HORMAD2: variants seen among roughly 807,000 people sequenced by gnomAD.
The protein encoded by HORMAD2 is HORMA domain containing 2, also known as HORMA domain-containing protein 2.
HORMAD2 carries 45 observed loss-of-function variants against 38.8 expected under a neutral mutation model. That is an observed-to-expected ratio of 1.16 (90% CI 0.91 to 1.49). The LOEUF (loss-of-function observed/expected upper bound fraction) is 1.49. Among genes scored for constraint, HORMAD2 ranks in the 40% most tolerant of loss-of-function variants. HORMAD2 has a pLI of 0.00. For synonymous variants in HORMAD2, 126 were observed against 122.8 expected (o/e 1.03, Z -0.17); for missense variants, 338 against 367.0 (o/e 0.92, Z 0.65).
chr22:30,191,819 C>T, the HORMAD2 span, among the ~76,000 whole-genome samples: 9 of 152,206 alleles, frequency 5.9e-5, no homozygotes, highest in Middle Eastern at 3.4e-3. Context: ...CCTTTGCTGC[C>T]GGAACATTCA....
chr22:30,142,719 T>C (rs1448772872), intron 10 of HORMAD2, among the ~76,000 whole-genome samples: 1 of 152,200 alleles, frequency 6.6e-6, no homozygotes, highest in East Asian at 1.9e-4. Context: ...ATTTTACTTT[T>C]TATTTCTATG....
chr22:30,180,920 CCCTCTCCTCTCCTCT>C (rs760542921), downstream of HORMAD2, among the ~76,000 whole-genome samples: 2,855 of 32,098 alleles, frequency 0.089, 264 homozygotes, highest in Non-Finnish European at 0.12. Context: ...CCTTTCCCTT[CCCTCTCCTCTCCTCT>C]CCTCTCCTCT....
At chr22:30,111,723 T>C (rs1921670944) in intron 5 of HORMAD2, 73 bp from the exon 6 acceptor site, 1 of 1,171,088 alleles carries the variant, frequency 8.5e-7, no homozygotes, top group Non-Finnish European at 1.2e-6. Context: ...ATATTTTAAT[T>C]AGTCTATTGA....
chr22:30,151,178 G>C (rs1201139361), intron 10 of HORMAD2, among the ~76,000 whole-genome samples: 2 of 152,078 alleles, frequency 1.3e-5, no homozygotes, highest in African/African-American at 4.8e-5. Flanking sequence ...CTGCTTCCTG[G>C]CTTCCAAAAT....
the HORMAD2 span, among the ~76,000 whole-genome samples, chr22:30,190,210 C>T: frequency 1.3e-5 from 2 of 152,166 alleles, no homozygotes; most frequent in Non-Finnish European, 2.9e-5. Flanking sequence ...AATTCCTTCT[C>T]GCCCCTCAAC....
rs570141418 is a variant in HORMAD2 at position 30,086,837 on chromosome 22, C to T, written c.-38+6346C>T. On this transcript the variant is annotated intron_variant, in intron 1 of 10. Coordinates refer to ENST00000336726, the MANE Select transcript of HORMAD2 (RefSeq NM_152510.4). Reference sequence around the variant, plus strand: ...GGGACAGGGTTTCACTCTTGTTGCCCAGGCTGGAATGCAATGGCGTGATCT... The same window carrying T: ...GGGACAGGGTTTCACTCTTGTTGCCTAGGCTGGAATGCAATGGCGTGATCT... Among the ~76,000 whole-genome samples, 6 of 152,218 alleles carry T rather than the reference C, an allele frequency of 3.9e-5. No individual in the cohort carries two copies. The South Asian group carries it at 1.2e-3, about 32-fold the overall frequency.
intron 7 of HORMAD2, among the ~76,000 whole-genome samples, chr22:30,113,803 G>T (rs980217331): frequency 4.0e-5 from 6 of 151,718 alleles, no homozygotes; most frequent in African/African-American, 1.5e-4. Flanking sequence ...TTCTTTCTTT[G>T]CAAGATGACA....
At chr22:30,147,458 CA>C (rs1194586331) in intron 10 of HORMAD2, among the ~76,000 whole-genome samples, 1 of 151,316 alleles carries the variant, frequency 6.6e-6, no homozygotes, top group Non-Finnish European at 1.5e-5. Context: ...ACATTGTACA[CA>C]AGATTGACTA....
At chr22:30,125,078 T>C (rs1922739756) in intron 10 of HORMAD2, among the ~76,000 whole-genome samples, 2 of 152,256 alleles carry the variant, frequency 1.3e-5, no homozygotes, top group African/African-American at 2.4e-5. Context: ...ATGTCTTTCA[T>C]GCATTTGTCT....
the HORMAD2 span, among the ~76,000 whole-genome samples, chr22:30,197,541 G>A: frequency 6.6e-6 from 1 of 152,100 alleles, no homozygotes; most frequent in Non-Finnish European, 1.5e-5. Context: ...AAAGGCACAA[G>A]TATAACCCTC....
chr22:30,201,542 C>G, the HORMAD2 span, among the ~76,000 whole-genome samples: 1 of 151,876 alleles, frequency 6.6e-6, no homozygotes, highest in South Asian at 2.1e-4. Context: ...CTCAGCCTCC[C>G]GAGTAGCTGG....
intron 10 of HORMAD2, among the ~76,000 whole-genome samples, chr22:30,159,525 C>T (rs1925314622): frequency 6.6e-6 from 1 of 152,130 alleles, no homozygotes; most frequent in Non-Finnish European, 1.5e-5. Flanking sequence ...AAGGGATACC[C>T]TGTATTTCAG....
upstream of HORMAD2, among the ~76,000 whole-genome samples, chr22:30,079,562 A>G (rs1035954902): frequency 1.3e-5 from 2 of 151,746 alleles, no homozygotes; most frequent in African/African-American, 4.8e-5. Context: ...CTGGAGTGCA[A>G]TGGTACGATC....
intron 10 of HORMAD2, among the ~76,000 whole-genome samples, chr22:30,126,606 T>C (rs1922885551): frequency 6.6e-6 from 1 of 152,242 alleles, no homozygotes; most frequent in Non-Finnish European, 1.5e-5. Flanking sequence ...TTGGATAATT[T>C]ATAATTTTTG....
At chr22:30,168,806 C>G (rs1015603300) in intron 10 of HORMAD2, among the ~76,000 whole-genome samples, 1 of 152,116 alleles carries the variant, frequency 6.6e-6, no homozygotes, top group Non-Finnish European at 1.5e-5. Flanking sequence ...GAAGTAGCCT[C>G]ATTGCTTCTC....
chr22:30,160,925 C>A (rs1186568796), intron 10 of HORMAD2, among the ~76,000 whole-genome samples: 1 of 152,128 alleles, frequency 6.6e-6, no homozygotes, highest in Non-Finnish European at 1.5e-5. Flanking sequence ...TAGGTGCATG[C>A]TCCTTATATA....
intron 10 of HORMAD2, among the ~76,000 whole-genome samples, chr22:30,134,402 C>G (rs1277256297): frequency 6.9e-6 from 1 of 144,420 alleles, no homozygotes. Flanking sequence ...TATATATAAT[C>G]ATAAATATAT....
chr22:30,202,040 T>G, the HORMAD2 span, among the ~76,000 whole-genome samples: 1 of 152,250 alleles, frequency 6.6e-6, no homozygotes, highest in East Asian at 1.9e-4. Flanking sequence ...CTCAATATAA[T>G]TTTGGCTCAA....
At chr22:30,201,755 C>T in the HORMAD2 span, among the ~76,000 whole-genome samples, 3 of 151,976 alleles carry the variant, frequency 2.0e-5, no homozygotes, top group Non-Finnish European at 4.4e-5. Context: ...GACACAATCC[C>T]GCAACATCTA....
Sources: gnomAD v4.1 joint callset for allele counts (sites outside exome capture counted in the v4.1 genomes callset) on GRCh38, gnomAD v4.1.1 for gene constraint, MANE v1.5 for transcripts, NCBI Gene and HGNC (gene_info 2026-07-23, HGNC 2026-07-21) for gene names.